The following PTER variants were observed in gnomAD, a reference collection of about 807,000 sequenced individuals.
PTER encodes N-acetyltaurine hydrolase.
A neutral mutation model predicts 29.6 loss-of-function variants in PTER; 38 were observed. The ratio of observed to expected loss-of-function variants is 1.28; its 90% CI spans 0.99 to 1.68. PTER has a LOEUF of 1.68. Ranked by LOEUF, PTER falls within the 40% of genes most tolerant of loss-of-function variation. The pLI is 0.00. For synonymous variants in PTER, 172 were observed against 154.5 expected, an observed-to-expected ratio of 1.11 and a Z score of -0.84; for missense variants, 482 against 427.8, an observed-to-expected ratio of 1.13 and a Z score of -1.12.
chr10:16,480,097 A>G (rs910382821), intron 1 of PTER, among the ~76,000 whole-genome samples: 3 of 147,334 alleles, frequency 2.0e-5, no homozygotes, highest in South Asian at 2.3e-4. Context: ...CAAGGGATGT[A>G]TGATAAGAAT....
chr10:16,473,613 C>T lies in PTER; in HGVS notation c.-48-10724C>T, dbSNP rs77345787. Among the ~76,000 whole-genome samples the T allele has an allele frequency of 1.6e-3, 249 of 151,436 alleles. 1 individual carries two copies. Among genetic ancestry groups the T allele is most frequent in the African/African-American group, 5.8e-3 (239 of 41,324 alleles). Reference sequence around the variant, plus strand: ...ACTTTCTGTTCCTGCCTTGCATCTCCGCATCTTTTTCTTCGTCTCTGGCCG... The same window carrying T: ...ACTTTCTGTTCCTGCCTTGCATCTCTGCATCTTTTTCTTCGTCTCTGGCCG... On this transcript the variant is annotated intron_variant, in intron 1 of 4. Transcript: ENST00000535784.
At chr10:16,473,514 C>T (rs1835131820) in intron 1 of PTER, among the ~76,000 whole-genome samples, 2 of 88,392 alleles carry the variant, frequency 2.3e-5, no homozygotes, top group Non-Finnish European at 2.3e-5. Flanking sequence ...AGTGAGACTC[C>T]ATCCGAAAAA....
chr10:16,438,917 T>C (rs1833751383), intron 1 of PTER, among the ~76,000 whole-genome samples: 1 of 79,136 alleles, frequency 1.3e-5, no homozygotes, highest in African/African-American at 7.6e-5. Flanking sequence ...CAAGACTCTG[T>C]CTCAAAAAAA....
intron 3 of PTER, among the ~76,000 whole-genome samples, chr10:16,499,041 C>T (rs902219647): frequency 6.6e-6 from 1 of 152,142 alleles, no homozygotes; most frequent in Non-Finnish European, 1.5e-5. Context: ...GAGGGGCAGC[C>T]TGGTTTAAGA....
intron 1 of PTER, among the ~76,000 whole-genome samples, chr10:16,446,832 C>G (rs542006661): frequency 6.6e-6 from 1 of 151,898 alleles, no homozygotes; most frequent in South Asian, 2.1e-4. Flanking sequence ...TCTGTTGACT[C>G]GGCGAGAGTG....
downstream of PTER, among the ~76,000 whole-genome samples, chr10:16,515,067 C>T (rs1480495106): frequency 4.0e-5 from 6 of 151,872 alleles, no homozygotes; most frequent in African/African-American, 1.2e-4. Context: ...GTATTTTTTG[C>T]ATTTTAATTT....
At position 16,513,441 on chromosome 10, in the gene PTER, T is replaced by G. The variant is rs1324085770; in HGVS notation, c.*2185T>G. The G allele has an allele frequency of 1.3e-5, 2 of 152,366 alleles. No homozygotes were observed. The highest frequency in any genetic ancestry group is 2.9e-5 in the Non-Finnish European group (2 of 67,936). The allele number at this position is 152,366 out of a possible 1,614,324, so 9.4% of individuals were successfully genotyped here. ...ATATGTTTTATACATAAATAAAACA[T>G]TTCATCTAATATATATATGTGTGTG... On this transcript the variant is annotated 3_prime_UTR_variant, in exon 5 of 5. Transcript: ENST00000535784.
chr10:16,507,251 GTA>G (rs951499229), intron 4 of PTER, among the ~76,000 whole-genome samples: 54 of 149,522 alleles, frequency 3.6e-4, no homozygotes, highest in African/African-American at 1.3e-3. Context: ...ATGTGTATGT[GTA>G]TATATATATG....
intron 3 of PTER, among the ~76,000 whole-genome samples, chr10:16,495,980 C>G (rs570140424): frequency 8.0e-4 from 122 of 152,310 alleles, no homozygotes; most frequent in African/African-American, 2.8e-3. Flanking sequence ...GCAAGACAGG[C>G]TTGTGATTCT....
At chr10:16,437,361 A>C in intron 1 of PTER, 1 of 139,392 alleles carries the variant, frequency 7.2e-6, no homozygotes. Context: ...TTTTAGATTC[A>C]GGGTCTGGCT....
intron 3 of PTER, among the ~76,000 whole-genome samples, chr10:16,497,998 A>G (rs1053427811): frequency 6.6e-6 from 1 of 152,126 alleles, no homozygotes; most frequent in Non-Finnish European, 1.5e-5. Flanking sequence ...GTTACTTACT[A>G]GTTGAGCAAA....
chr10:16,460,879 G>A (rs547969903), intron 1 of PTER, among the ~76,000 whole-genome samples: 6 of 152,152 alleles, frequency 3.9e-5, no homozygotes, highest in Admixed American at 1.3e-4. Context: ...ACCACGTCTG[G>A]CTAATTTTGG....
chr10:16,454,974 A>AG (rs1834343049), intron 1 of PTER, among the ~76,000 whole-genome samples: 1 of 152,200 alleles, frequency 6.6e-6, no homozygotes, highest in Non-Finnish European at 1.5e-5. Flanking sequence ...CATGCCTGTG[A>AG]TCCCAGCACT....
intron 3 of PTER, among the ~76,000 whole-genome samples, chr10:16,489,362 A>G (rs965910738): frequency 1.3e-5 from 2 of 152,180 alleles, no homozygotes; most frequent in South Asian, 2.1e-4. Flanking sequence ...TAAACATACA[A>G]TGTATAACTT....
chr10:16,439,239 G>A (rs1203568928), intron 1 of PTER, among the ~76,000 whole-genome samples: 1 of 152,128 alleles, frequency 6.6e-6, no homozygotes, highest in African/African-American at 2.4e-5. Flanking sequence ...AATCAGGACA[G>A]TGGCTTTTCT....
intron 1 of PTER, among the ~76,000 whole-genome samples, chr10:16,474,494 C>T (rs947383994): frequency 2.6e-5 from 4 of 152,054 alleles, no homozygotes; most frequent in East Asian, 1.9e-4. Context: ...TATTATTCGG[C>T]GTTAGTCTCT....
intron 1 of PTER, among the ~76,000 whole-genome samples, chr10:16,457,286 C>G (rs1341212337): frequency 6.6e-6 from 1 of 152,002 alleles, no homozygotes; most frequent in African/African-American, 2.4e-5. Flanking sequence ...GATCTCGGCT[C>G]ACTGCAAGCT....
At chr10:16,488,634 C>T (rs902495034) in intron 3 of PTER, among the ~76,000 whole-genome samples, 34 of 151,300 alleles carry the variant, frequency 2.2e-4, no homozygotes, top group African/African-American at 7.5e-4. Flanking sequence ...GAGAGTCTGT[C>T]TCTCTGTTGC....
intron 1 of PTER, among the ~76,000 whole-genome samples, chr10:16,440,293 C>A (rs111402290): frequency 0.016 from 2,486 of 152,068 alleles, 56 homozygotes; most frequent in African/African-American, 0.058. Context: ...CTCTTGAACT[C>A]CTGACCTCAG....
Sources: gnomAD v4.1 joint callset for allele counts (sites outside exome capture counted in the v4.1 genomes callset) on GRCh38, gnomAD v4.1.1 for gene constraint, MANE v1.5 for transcripts, NCBI Gene and HGNC (gene_info 2026-07-23, HGNC 2026-07-21) for gene names.